Variants in ARHGAP28 observed in about 807,000 individuals in gnomAD.
The protein encoded by ARHGAP28 is Rho GTPase activating protein 28.
ARHGAP28 carries 56 observed loss-of-function variants against 90.7 expected under a neutral mutation model. The ratio of observed to expected loss-of-function variants is 0.62; its 90% CI spans 0.50 to 0.77. The LOEUF is 0.77. Among genes scored for constraint, ARHGAP28 ranks in the 30% least tolerant of loss-of-function variants. The pLI, the probability that ARHGAP28 is intolerant of heterozygous loss-of-function variation, is 0.00. For synonymous variants in ARHGAP28, 308 were observed against 323.3 expected (o/e 0.95, Z 0.51); for missense variants, 869 against 900.9 (o/e 0.96, Z 0.45).
intron 11 of ARHGAP28, 189 bp downstream of exon 11, chr18:6,882,488 GT>G (rs1221525835): frequency 2.2e-6 from 1 of 456,416 alleles, no homozygotes; most frequent in Non-Finnish European, 3.7e-6. Flanking sequence ...CTGGTTTAGG[GT>G]TTTATAATCA....
In ARHGAP28 at chr18:6,851,011, G is replaced by A. The variant is rs374283429; in HGVS notation, c.544-23G>A. 52 of 1,612,682 alleles carry A rather than the reference G, an allele frequency of 3.2e-5. 1 individual carries two copies. In the Middle Eastern group the frequency reaches 4.9e-4, roughly 15 times the overall value. On this transcript the variant is annotated intron_variant, in intron 3 of 17. Transcript: ENST00000383472. ...TTTGGAAAGATATGCCTGGATAAAC[G>A]TGGCTTTCATTTCTTCCGTTAGCCT...
intron 1 of ARHGAP28, among the ~76,000 whole-genome samples, chr18:6,784,128 T>A (rs987325786): frequency 6.6e-6 from 1 of 152,082 alleles, no homozygotes; most frequent in African/African-American, 2.4e-5. Context: ...CAGTTGGAGA[T>A]CCCGGGAGCC....
chr18:6,779,038 T>C (rs2143465379), intron 1 of ARHGAP28: 1 of 152,386 alleles, frequency 6.6e-6, no homozygotes, highest in East Asian at 1.9e-4. Flanking sequence ...GATATCCTGG[T>C]ATGTTCATTT....
rs1227241142 is a variant in ARHGAP28 at position 6,870,609 on chromosome 18, G to T, written c.831G>T (p.Lys277Asn). 1 of 1,611,790 alleles carries T rather than the reference G, an allele frequency of 6.2e-7. No individual in the cohort carries two copies. Among genetic ancestry groups the T allele is most frequent in the Admixed American group, 1.7e-5 (1 of 59,482 alleles). The change falls in exon 7 of 18, where the codon AAG becomes AAT. Residue 277 changes from lysine to asparagine, a missense_variant. Coordinates refer to ENST00000383472, the MANE Select transcript of ARHGAP28 (RefSeq NM_001366230.1). ...CTTTAGATGATGATTTTCTGGAAAA[G>T]AACATTCCACCAGAGGCTGAAGAGC... ...NAISDDDFLE[K>N]NIPPEAEELS... is the part of the protein sequence containing the mutation.
chr18:6,744,144 T>C (rs2056002663), intron 1 of ARHGAP28, among the ~76,000 whole-genome samples: 1 of 152,178 alleles, frequency 6.6e-6, no homozygotes. Flanking sequence ...GAGGAGTCGA[T>C]AGCTCAATTA....
intron 12 of ARHGAP28, among the ~76,000 whole-genome samples, chr18:6,887,488 T>C (rs955527143): frequency 2.0e-5 from 3 of 149,210 alleles, no homozygotes; most frequent in African/African-American, 5.0e-5. Flanking sequence ...TGGAGTGCAG[T>C]GGCACGATCA....
intron 1 of ARHGAP28, among the ~76,000 whole-genome samples, chr18:6,750,104 T>C (rs1209560606): frequency 1.3e-5 from 2 of 152,146 alleles, no homozygotes; most frequent in East Asian, 3.9e-4. Flanking sequence ...TCTGGGTCTG[T>C]GTGCGTGGTA....
chr18:6,876,881 T>C (rs1343047985), intron 10 of ARHGAP28, among the ~76,000 whole-genome samples: 3 of 152,190 alleles, frequency 2.0e-5, no homozygotes, highest in Non-Finnish European at 4.4e-5. Context: ...AGCAAAGAAC[T>C]GTTAGAAAAG....
intron 10 of ARHGAP28, among the ~76,000 whole-genome samples, chr18:6,881,789 A>T (rs1288265559): frequency 6.6e-6 from 1 of 152,234 alleles, no homozygotes; most frequent in Non-Finnish European, 1.5e-5. Context: ...GGGGGAACGG[A>T]GACTTTGTCA....
At position 6,913,835 on chromosome 18, in the gene ARHGAP28, G is replaced by T. The variant is rs2057411261; in HGVS notation, c.*1681G>T. ...TTCATTTTTAATGTATGGGTAATTG[G>T]TGGCACATGACTTTACATAATGACT... On this transcript the variant is annotated 3_prime_UTR_variant, in exon 18 of 18. Transcript: ENST00000383472. 1 of 151,850 alleles carries T rather than the reference G, an allele frequency of 6.6e-6. No homozygotes were observed. Among genetic ancestry groups the T allele is most frequent in the South Asian group, 2.1e-4 (1 of 4,804 alleles). 9.4% of individuals were successfully genotyped at this position (151,850 alleles called of 1,614,324 possible). A position where few individuals can be genotyped will look rare whatever the true frequency, so the allele number is the denominator to read the frequency against.
intron 1 of ARHGAP28, among the ~76,000 whole-genome samples, chr18:6,792,437 G>A (rs547229811): frequency 3.7e-4 from 57 of 152,326 alleles, no homozygotes; most frequent in African/African-American, 1.3e-3. Flanking sequence ...CCTGTGGTGA[G>A]TGTCCAGCAA....
At chr18:6,785,891 T>G (rs2056361163) in intron 1 of ARHGAP28, among the ~76,000 whole-genome samples, 1 of 152,224 alleles carries the variant, frequency 6.6e-6, no homozygotes, top group Non-Finnish European at 1.5e-5. Context: ...AGGAAATAGG[T>G]CAGAGTATAT....
chr18:6,837,950 G>T (rs946242783), intron 3 of ARHGAP28, among the ~76,000 whole-genome samples: 1 of 152,166 alleles, frequency 6.6e-6, no homozygotes, highest in African/African-American at 2.4e-5. Flanking sequence ...ATGATAAACG[G>T]CTGGTTGAAG....
rs775986503 is a variant in ARHGAP28 at position 6,859,791 on chromosome 18, T to G, written c.637-17T>G. 7 of 1,610,724 alleles carry G rather than the reference T, an allele frequency of 4.3e-6. No homozygotes were observed. The highest frequency in any genetic ancestry group is 5.9e-6 in the Non-Finnish European group (7 of 1,177,402). The stretch of plus-strand genomic sequence containing the variant: ...TATTTGCCTGAATAAGAATGGTACT[T>G]TTATTTCTCCATTTAGCCAGATGAT... On this transcript the variant is annotated splice_polypyrimidine_tract_variant and intron_variant, in intron 4 of 17. Transcript: ENST00000383472.
chr18:6,839,592 C>G (rs117549231), intron 3 of ARHGAP28, among the ~76,000 whole-genome samples: 1 of 152,140 alleles, frequency 6.6e-6, no homozygotes, highest in Non-Finnish European at 1.5e-5. Flanking sequence ...CCACTGCGCC[C>G]GGCCATAATT....
At chr18:6,867,207 A>G (rs914010865) in intron 5 of ARHGAP28, among the ~76,000 whole-genome samples, 4 of 152,234 alleles carry the variant, frequency 2.6e-5, no homozygotes, top group African/African-American at 9.6e-5. Context: ...AAAGGAGATC[A>G]TGAGGCTCAG....
At chr18:6,855,232 A>G (rs1454276624) in intron 4 of ARHGAP28, among the ~76,000 whole-genome samples, 4 of 152,208 alleles carry the variant, frequency 2.6e-5, no homozygotes, top group Non-Finnish European at 4.4e-5. Context: ...TTCTGGGTGA[A>G]GTCTGCTGAC....
At chr18:6,767,815 T>C (rs1462180876) in intron 1 of ARHGAP28, among the ~76,000 whole-genome samples, 6 of 152,214 alleles carry the variant, frequency 3.9e-5, no homozygotes, top group Non-Finnish European at 8.8e-5. Context: ...TTATCTTTCT[T>C]CGAGTTCACT....
At chr18:6,864,613 G>C (rs147579603) in intron 5 of ARHGAP28, among the ~76,000 whole-genome samples, 1 of 151,922 alleles carries the variant, frequency 6.6e-6, no homozygotes, top group African/African-American at 2.4e-5. Flanking sequence ...AAATGTGTGC[G>C]TTATATCTTA....
Sources: allele counts gnomAD v4.1 joint callset (sites outside exome capture counted in the v4.1 genomes callset), GRCh38; gene constraint gnomAD v4.1.1; transcripts MANE v1.5; gene names NCBI Gene and HGNC (gene_info 2026-07-23, HGNC 2026-07-21).